MEGF11: variants seen among roughly 807,000 people sequenced by gnomAD.
The protein encoded by MEGF11 is multiple epidermal growth factor-like domains protein 11.
Under a neutral mutation model 146.6 loss-of-function variants are expected in MEGF11, and 126 were observed. The observed-to-expected ratio is 0.86, with a 90% CI of 0.74 to 1.00. The LOEUF (loss-of-function observed/expected upper bound fraction) is 1.00, where lower values mean the gene tolerates loss of function less well. Ranked by LOEUF, MEGF11 falls within the 50% of genes least tolerant of loss-of-function variation. The pLI is 0.00. For synonymous variants in MEGF11, 532 were observed against 583.4 expected (o/e 0.91, Z 1.27); for missense variants, 1,509 against 1,521.2 (o/e 0.99, Z 0.13).
chr15:66,075,197 C>T (rs139392906), intron 5 of MEGF11, among the ~76,000 whole-genome samples: 2 of 152,308 alleles, frequency 1.3e-5, no homozygotes, highest in African/African-American at 4.8e-5. Flanking sequence ...AGAGCAAGGT[C>T]TTTCTGCATC....
At chr15:66,023,507 G>A (rs1433411796) in intron 5 of MEGF11, among the ~76,000 whole-genome samples, 1 of 152,222 alleles carries the variant, frequency 6.6e-6, no homozygotes, top group East Asian at 1.9e-4. Context: ...CCCTGCCAGG[G>A]AACACAAGGC....
chr15:65,970,567 T>C lies in MEGF11; in HGVS notation c.885A>G (p.Gly295=). ...ACTATCCTTACCTGTCCCCCATGTA[T>C]CCAGCTGTACAGTGGCACTGTCCAG... ...HVTGQCHCTA[G]YMGDRCQEEC... is the part of the protein sequence containing the mutation. Residue 295 remains glycine, a synonymous_variant, in exon 8 of 26, where the codon GGA becomes GGG. Coordinates refer to ENST00000395614, the MANE Select transcript of MEGF11 (RefSeq NM_001385028.1). 1 of 1,613,978 alleles carries C rather than the reference T, an allele frequency of 6.2e-7. No individual in the cohort carries two copies. Among genetic ancestry groups the C allele is most frequent in the Non-Finnish European group, 8.5e-7 (1 of 1,179,866 alleles).
intron 3 of MEGF11, among the ~76,000 whole-genome samples, chr15:66,121,329 G>A (rs931853522): frequency 2.0e-5 from 3 of 152,182 alleles, no homozygotes; most frequent in Non-Finnish European, 4.4e-5. Flanking sequence ...CAAAATTGGT[G>A]GGGTGAAAGA....
At chr15:65,919,214 A>G (rs2079097200) in intron 15 of MEGF11, among the ~76,000 whole-genome samples, 1 of 152,228 alleles carries the variant, frequency 6.6e-6, no homozygotes, top group Non-Finnish European at 1.5e-5. Flanking sequence ...GACAAATAAT[A>G]CAGGCAATGG....
chr15:66,032,873 A>G (rs2083577997), intron 5 of MEGF11, among the ~76,000 whole-genome samples: 1 of 152,196 alleles, frequency 6.6e-6, no homozygotes, highest in African/African-American at 2.4e-5. Context: ...TGAGGTCAGG[A>G]GGTCGAGACC....
At chr15:66,199,391 C>T (rs1479322975) in intron 1 of MEGF11, among the ~76,000 whole-genome samples, 3 of 152,108 alleles carry the variant, frequency 2.0e-5, no homozygotes, top group East Asian at 3.9e-4. Context: ...CCTCCACGTC[C>T]GTCAAGTCTC....
chr15:66,132,434 G>A (rs931676153), intron 1 of MEGF11, among the ~76,000 whole-genome samples: 3 of 152,260 alleles, frequency 2.0e-5, no homozygotes, highest in Non-Finnish European at 4.4e-5. Context: ...AATCTTGGAC[G>A]CTGGAGCCTG....
At chr15:66,098,180 G>A (rs1362381704) in intron 4 of MEGF11, among the ~76,000 whole-genome samples, 1 of 152,202 alleles carries the variant, frequency 6.6e-6, no homozygotes, top group African/African-American at 2.4e-5. Context: ...AGGTGAGCTT[G>A]CATAAGCAGG....
intron 5 of MEGF11, among the ~76,000 whole-genome samples, chr15:66,066,424 G>T (rs2085127838): frequency 6.6e-6 from 1 of 152,136 alleles, no homozygotes; most frequent in African/African-American, 2.4e-5. Flanking sequence ...GGAATCTATA[G>T]GAATTTAAAA....
intron 1 of MEGF11, among the ~76,000 whole-genome samples, chr15:66,253,158 G>C (rs1451564579): frequency 6.6e-6 from 1 of 152,210 alleles, no homozygotes; most frequent in South Asian, 2.1e-4. Flanking sequence ...CGACCCCGGC[G>C]GGGAAGGCGC....
chr15:66,017,259 C>T (rs909594927), intron 5 of MEGF11, among the ~76,000 whole-genome samples: 1 of 152,184 alleles, frequency 6.6e-6, no homozygotes, highest in African/African-American at 2.4e-5. Flanking sequence ...CTGGGAGCCA[C>T]CTCAGGGAAC....
At chr15:65,929,950 C>T in intron 11 of MEGF11, 67 bp from the exon 12 acceptor site, 2 of 1,464,020 alleles carry the variant, frequency 1.4e-6, no homozygotes, top group Non-Finnish European at 1.9e-6. Flanking sequence ...GCCCACTCCC[C>T]CCAGCTCTGC....
At chr15:66,087,727 A>C (rs2086166661) in intron 5 of MEGF11, among the ~76,000 whole-genome samples, 1 of 152,218 alleles carries the variant, frequency 6.6e-6, no homozygotes, top group Non-Finnish European at 1.5e-5. Flanking sequence ...CTGAAAGAAC[A>C]CAAATAGATA....
At chr15:65,903,554 G>C (rs2078546863) in intron 24 of MEGF11, among the ~76,000 whole-genome samples, 1 of 152,178 alleles carries the variant, frequency 6.6e-6, no homozygotes, top group Admixed American at 6.5e-5. Context: ...AAGAAACCAA[G>C]ACCCAGAAAA....
intron 1 of MEGF11, among the ~76,000 whole-genome samples, chr15:66,188,149 C>T (rs1365452990): frequency 6.6e-6 from 1 of 152,006 alleles, no homozygotes; most frequent in Admixed American, 6.6e-5. Flanking sequence ...TTACCCCAGG[C>T]ATTTGAAACA....
intron 3 of MEGF11, among the ~76,000 whole-genome samples, chr15:66,122,161 G>T: frequency 6.6e-6 from 1 of 152,062 alleles, no homozygotes. Flanking sequence ...TTACTCAGGA[G>T]GCTGAGGCAG....
chr15:66,066,187 A>T (rs1292582329), intron 5 of MEGF11, among the ~76,000 whole-genome samples: 1 of 152,160 alleles, frequency 6.6e-6, no homozygotes, highest in African/African-American at 2.4e-5. Flanking sequence ...GAACAAGATC[A>T]TGAGCAGGGT....
intron 5 of MEGF11, among the ~76,000 whole-genome samples, chr15:66,055,766 G>A (rs139937429): frequency 3.2e-4 from 48 of 152,246 alleles, no homozygotes; most frequent in East Asian, 2.3e-3. Flanking sequence ...GAAGCCTCAC[G>A]CGGCCGCACT....
intron 1 of MEGF11, among the ~76,000 whole-genome samples, chr15:66,218,332 C>T (rs183272147): frequency 3.2e-4 from 48 of 152,306 alleles, no homozygotes; most frequent in African/African-American, 1.0e-3. Flanking sequence ...GATCCCCAAA[C>T]GCTGCCAACA....
Sources: allele counts gnomAD v4.1 joint callset (sites outside exome capture counted in the v4.1 genomes callset), GRCh38; gene constraint gnomAD v4.1.1; transcripts MANE v1.5; gene names NCBI Gene and HGNC (gene_info 2026-07-23, HGNC 2026-07-21).